Variants in MKRN2OS observed in about 807,000 individuals in gnomAD.
MKRN2OS encodes MKRN2 opposite strand protein.
In MKRN2OS, 17 loss-of-function variants were observed where a neutral mutation model predicts 18.2. That is an observed-to-expected ratio of 0.93 (90% CI 0.64 to 1.40). MKRN2OS has a LOEUF of 1.40. MKRN2OS is among the 40% of genes most tolerant of loss of function. MKRN2OS has a pLI of 0.00. For synonymous variants in MKRN2OS, 121 were observed against 108.5 expected, an observed-to-expected ratio of 1.12 and a Z score of -0.72; for missense variants, 337 against 283.0, an observed-to-expected ratio of 1.19 and a Z score of -1.37.
At chr3:12,541,736 A>G in intron 3 of MKRN2OS, 124 bp downstream of exon 3, 1 of 1,021,818 alleles carries the variant, frequency 9.8e-7, no homozygotes, top group South Asian at 1.8e-5. Context: ...AGATGCTAAT[A>G]TGTCTGTATC....
intron 1 of MKRN2OS, chr3:12,557,241 C>T: frequency 6.6e-7 from 1 of 1,512,158 alleles, no homozygotes; most frequent in East Asian, 2.7e-5. Flanking sequence ...CGGTGCGCGC[C>T]AGTGCTGTGG....
intron 1 of MKRN2OS, among the ~76,000 whole-genome samples, chr3:12,555,672 A>G (rs1559384488): frequency 6.6e-6 from 1 of 152,230 alleles, no homozygotes; most frequent in African/African-American, 2.4e-5. Flanking sequence ...ATAGAGATGA[A>G]CCCAAGCAAT....
At chr3:12,544,375 G>T (rs116276628) in intron 1 of MKRN2OS, among the ~76,000 whole-genome samples, 1,957 of 152,170 alleles carry the variant, frequency 0.013, 44 homozygotes, top group African/African-American at 0.044. Context: ...ACTCCACGGG[G>T]ACAATAAAAT....
upstream of MKRN2OS, among the ~76,000 whole-genome samples, chr3:12,546,576 T>A (rs1045036766): frequency 1.3e-4 from 8 of 63,554 alleles, no homozygotes; most frequent in African/African-American, 1.0e-3. Flanking sequence ...GTACATGGGA[T>A]TTTTTTTTTT....
At chr3:12,553,367 C>G (rs1315636992), downstream of MKRN2OS, among the ~76,000 whole-genome samples, 3 of 151,616 alleles carry the variant, frequency 2.0e-5, no homozygotes, top group Admixed American at 2.0e-4. Flanking sequence ...CATTAAAAAT[C>G]AATCAGTATA....
chr3:12,543,553 C>T (rs1004965556), intron 1 of MKRN2OS, among the ~76,000 whole-genome samples: 1 of 151,968 alleles, frequency 6.6e-6, no homozygotes, highest in Non-Finnish European at 1.5e-5. Context: ...CACCACTGCA[C>T]TCCACCCTGG....
chr3:12,541,438 C>T (rs1382300536), intron 3 of MKRN2OS, among the ~76,000 whole-genome samples: 1 of 152,194 alleles, frequency 6.6e-6, no homozygotes. Flanking sequence ...AGGCTGGTCT[C>T]GAACTTCTGA....
At chr3:12,553,419 T>C (rs1181869895), downstream of MKRN2OS, among the ~76,000 whole-genome samples, 1 of 151,876 alleles carries the variant, frequency 6.6e-6, no homozygotes, top group Non-Finnish European at 1.5e-5. Flanking sequence ...ACAATATAGG[T>C]TTCTCAATAC....
chr3:12,548,760 G>A (rs2057907308), upstream of MKRN2OS, among the ~76,000 whole-genome samples: 1 of 152,090 alleles, frequency 6.6e-6, no homozygotes, highest in African/African-American at 2.4e-5. Context: ...CATGAAAAGG[G>A]ATTGAGGCAC....
chr3:12,548,416 C>CCAG (rs2057902589), upstream of MKRN2OS, among the ~76,000 whole-genome samples: 1 of 145,804 alleles, frequency 6.9e-6, no homozygotes, highest in South Asian at 2.2e-4. Context: ...CCACTGCACT[C>CCAG]CAGCCTGGGC....
At chr3:12,554,344 T>G (rs1489909540) in intron 1 of MKRN2OS, among the ~76,000 whole-genome samples, 2 of 147,160 alleles carry the variant, frequency 1.4e-5, no homozygotes, top group East Asian at 3.9e-4. Flanking sequence ...GGAGACTGCT[T>G]GCATCCTTCG....
At chr3:12,547,927 C>A (rs1042724994), upstream of MKRN2OS, among the ~76,000 whole-genome samples, 16 of 152,196 alleles carry the variant, frequency 1.1e-4, no homozygotes, top group African/African-American at 3.9e-4. Context: ...TTTCAACCAA[C>A]CTTCTCTTGT....
chr3:12,542,493 C>A (rs2057828192), intron 2 of MKRN2OS, among the ~76,000 whole-genome samples: 1 of 152,140 alleles, frequency 6.6e-6, no homozygotes, highest in Admixed American at 6.6e-5. Flanking sequence ...GTATCAGTTT[C>A]TCTTGCCTCA....
At chr3:12,541,837 G>A (rs1404747600) in intron 3 of MKRN2OS, 23 bp downstream of exon 3, 2 of 1,531,426 alleles carry the variant, frequency 1.3e-6, no homozygotes, top group African/African-American at 2.7e-5. Context: ...GTCAGCGAGG[G>A]GGCAGCATTT....
In MKRN2OS at chr3:12,539,935, G is replaced by GCCA; in HGVS notation, c.*255_*257dup. 1 of 428,928 alleles carries GCCA rather than the reference G, an allele frequency of 2.3e-6. No individual in the cohort carries two copies. Among genetic ancestry groups the GCCA allele is most frequent in the Non-Finnish European group, 4.3e-6 (1 of 231,650 alleles). 26.6% of individuals were successfully genotyped at this position (428,928 alleles called of 1,614,324 possible). ...CTAGTAGTTGGGATTACAGGCATGC[G>GCCA]CCACCATGCCCAGCTAATTTTATAT... is the stretch of plus-strand genomic sequence containing the variant. On this transcript the variant is annotated 3_prime_UTR_variant, in exon 4 of 4. Coordinates refer to ENST00000564146, the MANE Select transcript of MKRN2OS (RefSeq NM_001195279.2).
intron 2 of MKRN2OS, 123 bp from the exon 3 acceptor site, chr3:12,542,145 T>C (rs934571840): frequency 1.0e-6 from 1 of 967,650 alleles, no homozygotes; most frequent in Non-Finnish European, 1.5e-6. Flanking sequence ...AGGGTGGAGG[T>C]TCTAGAATCT....
At chr3:12,543,327 C>T (rs974710213) in intron 1 of MKRN2OS, 98 bp from the exon 2 acceptor site, 1 of 1,011,520 alleles carries the variant, frequency 9.9e-7, no homozygotes, top group Non-Finnish European at 1.5e-6. Context: ...TGGCTTAGAC[C>T]TGTAATCCCA....
chr3:12,543,184 T>A lies in MKRN2OS; in HGVS notation c.264A>T (p.Thr88=), dbSNP rs1482155288. The change falls in exon 2 of 4, where the codon ACA becomes ACT. Residue 88 remains threonine (T), a synonymous_variant. Transcript: ENST00000564146. ...RSDLHVGITN[T]NGVVYNYSAH... Reference sequence around the variant, plus strand: ...AAGCTACAAAACTGCACTTACCATTTGTGTTAGTTATTCCAACATGAAGAT... The same window carrying A: ...AAGCTACAAAACTGCACTTACCATTAGTGTTAGTTATTCCAACATGAAGAT... 22 of 1,535,824 alleles carry A rather than the reference T, an allele frequency of 1.4e-5. No homozygotes were observed. Among genetic ancestry groups the A allele is most frequent in the East Asian group, 4.9e-5 (2 of 40,920 alleles).
At chr3:12,541,017 C>A (rs1201415625) in intron 3 of MKRN2OS, among the ~76,000 whole-genome samples, 1 of 151,308 alleles carries the variant, frequency 6.6e-6, no homozygotes, top group Non-Finnish European at 1.5e-5. Context: ...ATTTGGGGAA[C>A]TTATTGAACT....
Sources: gnomAD v4.1 joint callset for allele counts (sites outside exome capture counted in the v4.1 genomes callset) on GRCh38, gnomAD v4.1.1 for gene constraint, MANE v1.5 for transcripts, NCBI Gene and HGNC (gene_info 2026-07-23, HGNC 2026-07-21) for gene names.